CDH8: variants seen among roughly 807,000 people sequenced by gnomAD.
CDH8 encodes cadherin 8.
In CDH8, 17 loss-of-function variants were observed where a neutral mutation model predicts 68.1. The ratio of observed to expected loss-of-function variants is 0.25; its 90% confidence interval spans 0.17 to 0.37. CDH8 has a LOEUF of 0.37. Among genes scored for constraint, CDH8 ranks in the 10% least tolerant of loss-of-function variants. The pLI, the probability that CDH8 is intolerant of heterozygous loss-of-function variation, is 1.00. For synonymous variants in CDH8, 372 were observed against 365.1 expected, an observed-to-expected ratio of 1.02 and a Z score of -0.21; for missense variants, 763 against 999.3, an observed-to-expected ratio of 0.76 and a Z score of 3.19.
chr16:61,654,180 GA>G, intron 11 of CDH8, 79 bp from the exon 12 acceptor site: 1 of 1,351,102 alleles, frequency 7.4e-7, no homozygotes. Flanking sequence ...TGTTAGGAGA[GA>G]GGGGTATTTT....
Position 61,656,288 on chromosome 16 carries a change from T to G in CDH8, c.1655-567A>C, listed in dbSNP as rs77141247. 3.0e-3 allele frequency among the ~76,000 whole-genome samples: 462 copies of G among 152,302 alleles called. 21 individuals are homozygous for G. In the East Asian group the frequency reaches 0.081, roughly 27 times the overall value. On this transcript the variant is annotated intron_variant, in intron 10 of 11. Coordinates refer to ENST00000577390, the MANE Select transcript of CDH8 (RefSeq NM_001796.5). ...CCTTAAAAATGCAAAATATTTCTTT[T>G]ACAAAAATAATCTTTAAGTGTCCCT...
At chr16:61,849,383 C>G (rs372127677) in intron 4 of CDH8, among the ~76,000 whole-genome samples, 4 of 151,908 alleles carry the variant, frequency 2.6e-5, no homozygotes, top group Non-Finnish European at 5.9e-5. Context: ...GTGACAAAAA[C>G]CACTCTTTGG....
chr16:61,908,272 TA>T (rs1964097101), intron 2 of CDH8, among the ~76,000 whole-genome samples: 1 of 152,162 alleles, frequency 6.6e-6, no homozygotes, highest in Non-Finnish European at 1.5e-5. Context: ...TTACTATCCT[TA>T]ACTCAGAGCC....
chr16:61,874,943 T>C (rs1378100086), intron 3 of CDH8, among the ~76,000 whole-genome samples: 1 of 152,180 alleles, frequency 6.6e-6, no homozygotes, highest in Non-Finnish European at 1.5e-5. Flanking sequence ...GACAGAGTGC[T>C]AGAATCTGGG....
chr16:61,663,522 T>C (rs1343945411), intron 10 of CDH8, among the ~76,000 whole-genome samples: 1 of 152,020 alleles, frequency 6.6e-6, no homozygotes, highest in Non-Finnish European at 1.5e-5. Context: ...CGACTTGCCT[T>C]AGTCACAGTT....
chr16:61,718,761 C>T lies in CDH8; in HGVS notation c.1537-4803G>A, dbSNP rs1015551034. Among the ~76,000 whole-genome samples the T allele has an allele frequency of 8.6e-5, 13 of 150,964 alleles. 1 individual carries two copies. Among genetic ancestry groups the T allele is most frequent in the South Asian group, 6.2e-4 (3 of 4,802 alleles). On this transcript the variant is annotated intron_variant, in intron 9 of 11. Coordinates refer to ENST00000577390, the MANE Select transcript of CDH8 (RefSeq NM_001796.5). Reference sequence around the variant, plus strand: ...AATAGTATGAAATTATTTACATATGCGCATTTATGAGGGGAAAGGTCGTAG... The same window carrying T: ...AATAGTATGAAATTATTTACATATGTGCATTTATGAGGGGAAAGGTCGTAG...
intron 8 of CDH8, among the ~76,000 whole-genome samples, chr16:61,773,317 G>T (rs1960825313): frequency 2.0e-5 from 3 of 151,976 alleles, no homozygotes; most frequent in Admixed American, 2.0e-4. Flanking sequence ...TGAATGATTT[G>T]CTAGAGTTGT....
intron 7 of CDH8, among the ~76,000 whole-genome samples, chr16:61,810,799 G>A (rs966392818): frequency 1.6e-4 from 25 of 151,982 alleles, no homozygotes; most frequent in Non-Finnish European, 2.5e-4. Context: ...CGAGGGGGGC[G>A]GATCAGAAGG....
chr16:61,744,528 T>C (rs1373093771), intron 8 of CDH8, among the ~76,000 whole-genome samples: 1 of 152,018 alleles, frequency 6.6e-6, no homozygotes, highest in Non-Finnish European at 1.5e-5. Context: ...TTAAATCTAA[T>C]CTGAAAATGT....
intron 2 of CDH8, among the ~76,000 whole-genome samples, chr16:62,000,639 C>T (rs1370781802): frequency 6.6e-6 from 1 of 152,140 alleles, no homozygotes; most frequent in Non-Finnish European, 1.5e-5. Context: ...CACAGTCTGC[C>T]AAAAACTGAC....
intron 10 of CDH8, among the ~76,000 whole-genome samples, chr16:61,688,998 A>G (rs1343657492): frequency 1.3e-5 from 2 of 152,000 alleles, no homozygotes; most frequent in African/African-American, 4.8e-5. Context: ...CTATTTCACC[A>G]CCAAGCAACA....
chr16:61,676,494 G>A (rs141854004), intron 10 of CDH8, among the ~76,000 whole-genome samples: 606 of 151,928 alleles, frequency 4.0e-3, no homozygotes, highest in Non-Finnish European at 4.8e-3. Flanking sequence ...ATTAATCAAT[G>A]GATTAACAGA....
At chr16:61,858,612 G>C (rs1179573841) in intron 3 of CDH8, among the ~76,000 whole-genome samples, 1 of 152,206 alleles carries the variant, frequency 6.6e-6, no homozygotes, top group African/African-American at 2.4e-5. Flanking sequence ...TAGACTCTGA[G>C]ATAAAGACTT....
intron 2 of CDH8, among the ~76,000 whole-genome samples, chr16:62,007,453 G>C (rs1965995779): frequency 6.6e-6 from 1 of 152,078 alleles, no homozygotes; most frequent in African/African-American, 2.4e-5. Flanking sequence ...AAACAAAATT[G>C]GTCTCTGAAA....
chr16:61,668,924 G>C (rs1269062278), intron 10 of CDH8, among the ~76,000 whole-genome samples: 1 of 151,992 alleles, frequency 6.6e-6, no homozygotes, highest in African/African-American at 2.4e-5. Context: ...AAGAGTAGTT[G>C]AGCCAAAGAG....
chr16:61,846,215 A>G (rs1962802818), intron 4 of CDH8, among the ~76,000 whole-genome samples: 1 of 152,140 alleles, frequency 6.6e-6, no homozygotes, highest in Admixed American at 6.6e-5. Context: ...CTTTCATAAA[A>G]TCAAAGTAAA....
intron 11 of CDH8, 31 bp downstream of exon 11, chr16:61,655,439 G>T: frequency 3.7e-6 from 6 of 1,611,780 alleles, no homozygotes; most frequent in Non-Finnish European, 5.1e-6. Flanking sequence ...CAGAAAAAGG[G>T]TGACCGGTAG....
intron 10 of CDH8, among the ~76,000 whole-genome samples, chr16:61,709,500 G>A (rs1055763142): frequency 6.6e-6 from 1 of 152,096 alleles, no homozygotes; most frequent in African/African-American, 2.4e-5. Flanking sequence ...TTTGCAACAC[G>A]GGAAGTTTGA....
intron 2 of CDH8, among the ~76,000 whole-genome samples, chr16:61,906,019 C>T (rs760283445): frequency 1.3e-5 from 2 of 151,400 alleles, no homozygotes; most frequent in Non-Finnish European, 2.9e-5. Flanking sequence ...GGGAGAGAAA[C>T]TAATAGATAG....
Sources: allele counts gnomAD v4.1 joint callset (sites outside exome capture counted in the v4.1 genomes callset), GRCh38; gene constraint gnomAD v4.1.1; transcripts MANE v1.5; gene names NCBI Gene and HGNC (gene_info 2026-07-23, HGNC 2026-07-21).